The following STAU1 variants were observed in gnomAD, a reference collection of about 807,000 sequenced individuals.
STAU1 encodes double-stranded RNA-binding protein Staufen homolog 1.
STAU1 carries 13 observed loss-of-function variants against 62.9 expected under a neutral mutation model. The ratio of observed to expected loss-of-function variants is 0.21; its 90% CI spans 0.13 to 0.33. STAU1 has a LOEUF of 0.33. STAU1 is among the 10% of genes least tolerant of loss of function. The probability of loss-of-function intolerance (pLI) is 1.00; values close to 1 mark genes in which losing one functional copy is unlikely to be tolerated. For missense variants in STAU1, 571 were observed against 712.1 expected (o/e 0.80, Z 2.25); for synonymous variants, 269 against 265.1 (o/e 1.01, Z -0.14).
chr20:49,191,803 C>A (rs951617796), upstream of STAU1, among the ~76,000 whole-genome samples: 1 of 152,160 alleles, frequency 6.6e-6, no homozygotes, highest in African/African-American at 2.4e-5. Flanking sequence ...GTAATCCCAG[C>A]ACTTTGGGAG....
intron 6 of STAU1, among the ~76,000 whole-genome samples, chr20:49,130,829 T>C (rs763259316): frequency 6.6e-6 from 1 of 151,976 alleles, no homozygotes; most frequent in Non-Finnish European, 1.5e-5. Flanking sequence ...TCCTAGCTAC[T>C]TGGGAGGCTG....
intron 3 of STAU1, among the ~76,000 whole-genome samples, chr20:49,163,662 G>C (rs2093483983): frequency 6.6e-6 from 1 of 152,126 alleles, no homozygotes; most frequent in Non-Finnish European, 1.5e-5. Context: ...CAGACCTCAG[G>C]TGATCCACCT....
At chr20:49,174,490 C>T (rs1384059096) in intron 1 of STAU1, among the ~76,000 whole-genome samples, 2 of 151,868 alleles carry the variant, frequency 1.3e-5, no homozygotes, top group African/African-American at 2.4e-5. Context: ...GAGGCCGAGG[C>T]GGGCAGACCA....
rs1265692363 is a variant in STAU1, at chr20:49,166,136, G to A, written c.66C>T (p.Asn22=). 6.2e-7 allele frequency: 1 copy of A among 1,614,158 alleles called. No homozygotes were observed. The highest frequency in any genetic ancestry group is 8.5e-7 in the Non-Finnish European group (1 of 1,180,036). ...SAALSGSQIL[N]KNQSLLSQPL... is the part of the protein sequence containing the mutation. ...GCTGTGAGAGAAGAGACTGGTTCTT[G>A]TTCAGTATTTGGCTCCCTGAGAGAG... The change falls in exon 3 of 14, where the codon AAC becomes AAT. Residue 22 remains asparagine (N), a synonymous_variant. Transcript: ENST00000371856.
intron 5 of STAU1, among the ~76,000 whole-genome samples, chr20:49,150,022 T>A (rs1171910714): frequency 3.9e-5 from 6 of 152,240 alleles, no homozygotes; most frequent in African/African-American, 1.4e-4. Flanking sequence ...GCATTTCCTG[T>A]TGTGATTAAA....
chr20:49,215,264 C>T, the STAU1 span, among the ~76,000 whole-genome samples: 1 of 152,194 alleles, frequency 6.6e-6, no homozygotes, highest in African/African-American at 2.4e-5. Flanking sequence ...TGGTCACCGT[C>T]TCAGAGAGGG....
intron 6 of STAU1, among the ~76,000 whole-genome samples, chr20:49,133,434 A>G (rs1243670974): frequency 2.6e-5 from 4 of 151,746 alleles, no homozygotes; most frequent in Admixed American, 1.3e-4. Flanking sequence ...GCAAAAATCC[A>G]CTCTCATGAC....
At chr20:49,136,437 C>T (rs1343975599) in intron 5 of STAU1, among the ~76,000 whole-genome samples, 1 of 152,194 alleles carries the variant, frequency 6.6e-6, no homozygotes, top group East Asian at 1.9e-4. Flanking sequence ...CATGTCCTGT[C>T]AAGTTTGAGT....
chr20:49,161,463 A>C (rs1337107239), intron 3 of STAU1, among the ~76,000 whole-genome samples: 4 of 152,244 alleles, frequency 2.6e-5, no homozygotes, highest in Non-Finnish European at 5.9e-5. Flanking sequence ...TCAGTTTGAA[A>C]ACATGTATTT....
chr20:49,119,554 A>C (rs539032871), intron 9 of STAU1, among the ~76,000 whole-genome samples: 1 of 152,198 alleles, frequency 6.6e-6, no homozygotes, highest in African/African-American at 2.4e-5. Flanking sequence ...GCCTGTCTCT[A>C]CTGTCACACT....
chr20:49,189,769 G>A (rs1371892968), upstream of STAU1, among the ~76,000 whole-genome samples: 1 of 151,998 alleles, frequency 6.6e-6, no homozygotes. Flanking sequence ...TGGGACTGCC[G>A]CCCCACTATT....
chr20:49,165,925 T>C lies in STAU1; in HGVS notation c.205+72A>G, dbSNP rs1168175064. Reference sequence around the variant, plus strand: ...GGTAAATGTGAGAGCTCCCTAAATCTGCAACCTATCAGATCAGAAAACAGG... The same window carrying C: ...GGTAAATGTGAGAGCTCCCTAAATCCGCAACCTATCAGATCAGAAAACAGG... On this transcript the variant is annotated intron_variant, in intron 3 of 13. Transcript: ENST00000371856. 3 of 1,518,320 alleles carry C rather than the reference T, an allele frequency of 2.0e-6. No individual in the cohort carries two copies. In the African/African-American group the frequency reaches 4.1e-5, roughly 21 times the overall value. The allele number at this position is 1,518,320 out of a possible 1,614,324, so 94.1% of individuals were successfully genotyped here. A position where few individuals can be genotyped will look rare whatever the true frequency, so the allele number is the denominator to read the frequency against.
intron 5 of STAU1, among the ~76,000 whole-genome samples, chr20:49,146,584 C>T (rs2093136743): frequency 6.6e-6 from 1 of 151,682 alleles, no homozygotes; most frequent in Admixed American, 6.6e-5. Flanking sequence ...AATCTATAGT[C>T]CCAGCTACTT....
At chr20:49,176,341 A>G (rs2093660294) in intron 1 of STAU1, among the ~76,000 whole-genome samples, 1 of 152,212 alleles carries the variant, frequency 6.6e-6, no homozygotes, top group Non-Finnish European at 1.5e-5. Context: ...AATCATAATC[A>G]TTTTTAGAAG....
intron 6 of STAU1, among the ~76,000 whole-genome samples, chr20:49,129,255 C>T (rs569162628): frequency 6.7e-6 from 1 of 150,122 alleles, no homozygotes; most frequent in South Asian, 2.1e-4. Context: ...CTACTGACTA[C>T]CTGCTAGAAT....
chr20:49,119,189 C>T (rs896902370), intron 9 of STAU1, among the ~76,000 whole-genome samples: 11 of 152,102 alleles, frequency 7.2e-5, no homozygotes, highest in African/African-American at 2.4e-4. Context: ...TTTCTTTTTA[C>T]GTTCCTTTTT....
In STAU1 at chr20:49,129,430, G is replaced by A. The variant is rs553010572; in HGVS notation, c.610-4843C>T. 5.3e-5 allele frequency among the ~76,000 whole-genome samples: 8 copies of A among 151,122 alleles called. No individual in the cohort carries two copies. In the South Asian group the frequency reaches 1.5e-3, roughly 28 times the overall value. On this transcript the variant is annotated intron_variant, in intron 6 of 13. Transcript: ENST00000371856. The stretch of plus-strand genomic sequence containing the variant: ...AGCCCCCTGAGTACCTGGGACTACA[G>A]GTGCACACAACCATGCCCACCTAAT...
intron 9 of STAU1, among the ~76,000 whole-genome samples, 183 bp downstream of exon 9, chr20:49,119,799 C>A (rs1200632868): frequency 6.6e-6 from 1 of 152,150 alleles, no homozygotes; most frequent in East Asian, 1.9e-4. Context: ...CCTCCTGGGG[C>A]CAGTGGACAT....
intron 5 of STAU1, among the ~76,000 whole-genome samples, chr20:49,144,943 C>A (rs1397909184): frequency 1.3e-5 from 2 of 152,134 alleles, no homozygotes; most frequent in East Asian, 1.9e-4. Flanking sequence ...AAATTAAGAT[C>A]CCTAAGATCC....
Sources: gnomAD v4.1 joint callset for allele counts (sites outside exome capture counted in the v4.1 genomes callset) on GRCh38, gnomAD v4.1.1 for gene constraint, MANE v1.5 for transcripts, NCBI Gene and HGNC (gene_info 2026-07-23, HGNC 2026-07-21) for gene names.